Variants in PFKFB3 observed in about 807,000 individuals in gnomAD.
PFKFB3 encodes 6-phosphofructo-2-kinase/fructose-2,6-biphosphatase 3.
In PFKFB3, 33 loss-of-function variants were observed where a neutral mutation model predicts 68.0. The ratio of observed to expected loss-of-function variants is 0.49; its 90% CI spans 0.37 to 0.65. The LOEUF (loss-of-function observed/expected upper bound fraction) is 0.65. Among genes scored for constraint, PFKFB3 ranks in the 30% least tolerant of loss-of-function variants. The pLI is 0.00. For missense variants in PFKFB3, 586 were observed against 712.2 expected, an observed-to-expected ratio of 0.82 and a Z score of 2.02; for synonymous variants, 315 against 288.2, an observed-to-expected ratio of 1.09 and a Z score of -0.94.
the PFKFB3 span, among the ~76,000 whole-genome samples, chr10:6,318,476 G>A: frequency 1.1e-3 from 164 of 152,310 alleles, no homozygotes; most frequent in Non-Finnish European, 1.8e-3. Context: ...TTCCCCAGGG[G>A]GTAGAGGGGA....
intron 1 of PFKFB3, among the ~76,000 whole-genome samples, chr10:6,206,319 A>G (rs1843682324): frequency 7.0e-6 from 1 of 142,074 alleles, no homozygotes; most frequent in Non-Finnish European, 1.5e-5. Flanking sequence ...TTCTTAGTAC[A>G]GAACAAAATG....
At chr10:6,272,505 C>A in the PFKFB3 span, among the ~76,000 whole-genome samples, 1 of 152,040 alleles carries the variant, frequency 6.6e-6, no homozygotes, top group African/African-American at 2.4e-5. Flanking sequence ...ACCAGCCTGG[C>A]CAACATGGTG....
At chr10:6,286,781 G>A in the PFKFB3 span, among the ~76,000 whole-genome samples, 1 of 152,124 alleles carries the variant, frequency 6.6e-6, no homozygotes, top group Non-Finnish European at 1.5e-5. Context: ...TGTATTGATT[G>A]CCTCATTGTC....
chr10:6,191,910 G>A (rs79131213), intron 1 of PFKFB3, among the ~76,000 whole-genome samples: 8,840 of 151,958 alleles, frequency 0.058, 403 homozygotes, highest in African/African-American at 0.11. Context: ...CAGGTGGCTC[G>A]GACACCCTGG....
At chr10:6,227,180 ATTTGTTTTCAGAAAACTG>A (rs779910581) in intron 14 of PFKFB3, among the ~76,000 whole-genome samples, 6 of 152,042 alleles carry the variant, frequency 3.9e-5, no homozygotes, top group South Asian at 2.1e-4. Context: ...AGACATTAAG[ATTTGTTTTCAGAAAACTG>A]TTTGTTTTCA....
intron 1 of PFKFB3, among the ~76,000 whole-genome samples, chr10:6,209,288 C>T (rs533308637): frequency 3.3e-5 from 5 of 152,208 alleles, no homozygotes; most frequent in African/African-American, 1.2e-4. Context: ...CCCCTGTAAC[C>T]CGGTGACATC....
At chr10:6,248,053 G>A (rs867969307) in intron 14 of PFKFB3, among the ~76,000 whole-genome samples, 35 of 152,182 alleles carry the variant, frequency 2.3e-4, no homozygotes, top group African/African-American at 7.5e-4. Flanking sequence ...CAATGCCTTT[G>A]TTATTTTCCT....
intron 6 of PFKFB3, 89 bp downstream of exon 6, chr10:6,217,280 C>T (rs905599509): frequency 5.9e-5 from 67 of 1,129,952 alleles, no homozygotes; most frequent in Middle Eastern, 4.1e-4. Flanking sequence ...GGGTCCGGCT[C>T]GGAAGCGCAG....
At chr10:6,146,404 G>A (rs1841390226) in intron 1 of PFKFB3, 3 of 1,535,490 alleles carry the variant, frequency 2.0e-6, no homozygotes, top group Admixed American at 2.0e-5. Context: ...CAGAAGGAAG[G>A]TGACAGCCAG....
chr10:6,205,071 C>T (rs1348890999), intron 1 of PFKFB3, among the ~76,000 whole-genome samples: 1 of 152,224 alleles, frequency 6.6e-6, no homozygotes, highest in East Asian at 1.9e-4. Flanking sequence ...CTAAGAATCC[C>T]TGTCAGAATC....
intron 1 of PFKFB3, among the ~76,000 whole-genome samples, chr10:6,150,826 C>T (rs1243563334): frequency 6.6e-6 from 1 of 152,226 alleles, no homozygotes; most frequent in Admixed American, 6.5e-5. Context: ...GGTGAAACCC[C>T]GTCTCTACTA....
At chr10:6,295,459 A>T in the PFKFB3 span, among the ~76,000 whole-genome samples, 1 of 152,008 alleles carries the variant, frequency 6.6e-6, no homozygotes, top group East Asian at 1.9e-4. Context: ...TCCTGACCTC[A>T]GGTGATCCAC....
intron 1 of PFKFB3, among the ~76,000 whole-genome samples, chr10:6,188,334 GAAC>G (rs1842928985): frequency 6.6e-6 from 1 of 151,068 alleles, no homozygotes; most frequent in Non-Finnish European, 1.5e-5. Flanking sequence ...GCAAAATCAA[GAAC>G]AACATTTAGA....
chr10:6,238,026 C>G (rs1846060619), downstream of PFKFB3, among the ~76,000 whole-genome samples: 1 of 152,076 alleles, frequency 6.6e-6, no homozygotes, highest in African/African-American at 2.4e-5. Flanking sequence ...CAGTTTCTGA[C>G]ATACTCCTAA....
chr10:6,266,584 C>T, the PFKFB3 span, among the ~76,000 whole-genome samples: 1 of 152,252 alleles, frequency 6.6e-6, no homozygotes, highest in Admixed American at 6.5e-5. Context: ...TAAATAAAAC[C>T]ATACAATAAC....
Position 6,220,661 on chromosome 10 carries a change from CTT to C in PFKFB3, c.628_629del (p.Leu210ValfsTer7). On this transcript the variant is annotated frameshift_variant, in exon 8 of 15. Transcript: ENST00000379775. LOFTEE classifies it high-confidence loss of function. The surrounding 1 kb of genome is among the most constrained non-coding windows in gnomAD (Gnocchi z 4.1). ...TCTCGGTGGGGTCTCTCTGCAGGGA[CTT>C]GTCGCTGATCAAGGTGATTGACGTG... ...PLDPDKCDRD[L>X]SLIKVIDVGR... 1 of 1,611,704 alleles carries C rather than the reference CTT, an allele frequency of 6.2e-7. No individual in the cohort carries two copies. Among genetic ancestry groups the C allele is most frequent in the South Asian group, 1.1e-5 (1 of 90,896 alleles).
At chr10:6,219,234 T>A (rs567785744) in intron 6 of PFKFB3, among the ~76,000 whole-genome samples, 1 of 152,224 alleles carries the variant, frequency 6.6e-6, no homozygotes, top group Non-Finnish European at 1.5e-5. Context: ...TGGAGCTCGG[T>A]TGAGTTCAGC....
the PFKFB3 span, among the ~76,000 whole-genome samples, chr10:6,287,880 A>C: frequency 6.6e-6 from 1 of 152,130 alleles, no homozygotes; most frequent in Non-Finnish European, 1.5e-5. Flanking sequence ...TCCTTTCTTT[A>C]TGTAGATTTG....
chr10:6,226,528 TGTGCACACACTCAC>T (rs1265177250), intron 14 of PFKFB3, 163 bp downstream of exon 14: 21 of 626,422 alleles, frequency 3.4e-5, no homozygotes, highest in Middle Eastern at 8.7e-4. Flanking sequence ...TGTGGGGGCA[TGTGCACACACTCAC>T]GTGTTGAGGG....
Sources: gnomAD v4.1 joint callset for allele counts (sites outside exome capture counted in the v4.1 genomes callset) on GRCh38, gnomAD v4.1.1 for gene constraint, Gnocchi (gnomAD v3.1) non-coding constraint, MANE v1.5 for transcripts, NCBI Gene and HGNC (gene_info 2026-07-23, HGNC 2026-07-21) for gene names.